POLE: variants seen among roughly 807,000 people sequenced by gnomAD.
POLE encodes DNA polymerase epsilon, catalytic subunit.
A neutral mutation model predicts 279.2 loss-of-function variants in POLE; 188 were observed. That is an observed-to-expected ratio of 0.67 (90% CI 0.60 to 0.76). POLE has a LOEUF of 0.76. POLE is among the 30% of genes least tolerant of loss of function. POLE has a pLI of 0.00. For missense variants in POLE, 2,703 were observed against 3,016.7 expected (o/e 0.90, Z 2.44); for synonymous variants, 1,214 against 1,172.5 (o/e 1.04, Z -0.72).
At chr12:132,637,553 G>A (rs2042057869) in intron 41 of POLE, among the ~76,000 whole-genome samples, 1 of 152,232 alleles carries the variant, frequency 6.6e-6, no homozygotes, top group South Asian at 2.1e-4. Flanking sequence ...TGGCCTGGAA[G>A]GCAGGAAGTC....
intron 1 of POLE, among the ~76,000 whole-genome samples, chr12:132,686,230 C>T (rs1260765880): frequency 6.6e-6 from 1 of 151,872 alleles, no homozygotes; most frequent in Non-Finnish European, 1.5e-5. Context: ...TTACCGTTTG[C>T]TCTGGCCACC....
At chr12:132,629,601 TCTCAGCC>T (rs759835669) in intron 45 of POLE, among the ~76,000 whole-genome samples, 1 of 152,184 alleles carries the variant, frequency 6.6e-6, no homozygotes, top group Non-Finnish European at 1.5e-5. Context: ...CCTCCTCAGC[TCTCAGCC>T]TTCATGGAAC....
At position 132,659,171 on chromosome 12, in the gene POLE, C is replaced by T. The variant is rs550890943; in HGVS notation, c.3275+124G>A. 38 of 987,788 alleles carry T rather than the reference C, an allele frequency of 3.8e-5. No individual in the cohort carries two copies. The Admixed American group carries it at 3.9e-4, about 10-fold the overall frequency. 61.2% of individuals were successfully genotyped at this position (987,788 alleles called of 1,614,324 possible). On this transcript the variant is annotated intron_variant, in intron 26 of 48. Transcript: ENST00000320574. The stretch of plus-strand genomic sequence containing the variant: ...ATCTGTAAGGAACCCCTTACCTCTC[C>T]GTGACAGGGCAGCCCTCACCTCTCT...
chr12:132,640,987 G>A (rs1219037442), intron 39 of POLE: 5 of 456,670 alleles, frequency 1.1e-5, no homozygotes, highest in East Asian at 7.0e-5. Flanking sequence ...ACAGGCTCTG[G>A]AATTACAAAG....
In POLE at chr12:132,639,225, C is replaced by T. The variant is rs140174561; in HGVS notation, c.5452G>A (p.Val1818Met). Residue 1818 changes from valine to methionine, a missense_variant, in exon 40 of 49, where the codon GTG becomes ATG. By Grantham distance (21) the Val-to-Met change is conservative. Transcript: ENST00000320574. The surrounding 1 kb of genome is among the most constrained non-coding windows in gnomAD (Gnocchi z 4.7). Reference protein sequence around the residue: ...QYHNIYADNQVMHFYRWLRSP... With the variant: ...QYHNIYADNQMMHFYRWLRSP... ...CGAAGCCAGCGGTAGAAGTGCATCA[C>T]CTGGTTGTCTGCATAGATGTTGTGG... 6.2e-7 allele frequency: 1 copy of T among 1,614,104 alleles called. No homozygotes were observed. The highest frequency in any genetic ancestry group is 8.5e-7 in the Non-Finnish European group (1 of 1,179,978).
intron 32 of POLE, among the ~76,000 whole-genome samples, chr12:132,646,346 T>A (rs933496887): frequency 5.9e-5 from 9 of 152,098 alleles, no homozygotes; most frequent in Non-Finnish European, 1.2e-4. Context: ...GACACAGGCA[T>A]AGTCATGTGT....
rs754639861 is a variant in POLE, at chr12:132,626,183, C to T, written c.6465G>A (p.Glu2155=). 2 of 1,613,330 alleles carry T rather than the reference C, an allele frequency of 1.2e-6. No homozygotes were observed. The highest frequency in any genetic ancestry group is 1.7e-5 in the Admixed American group (1 of 59,938). Reference sequence around the variant, plus strand: ...AGAAGTTACAGCTGCGGCAGATGACCTCAGGAAGCACGTAGGAGCGGCAGG... The same window carrying T: ...AGAAGTTACAGCTGCGGCAGATGACTTCAGGAAGCACGTAGGAGCGGCAGG... ...RDPCRSYVLP[E]VICRSCNFCR... The change falls in exon 46 of 49, where the codon GAG becomes GAA. Residue 2155 remains glutamate (E), a synonymous_variant. Coordinates refer to ENST00000320574, the MANE Select transcript of POLE (RefSeq NM_006231.4).
At chr12:132,631,821 C>G (rs547915577) in intron 45 of POLE, among the ~76,000 whole-genome samples, 1 of 152,128 alleles carries the variant, frequency 6.6e-6, no homozygotes, top group Non-Finnish European at 1.5e-5. Flanking sequence ...CAAGCTCACC[C>G]CCCAGGGCCT....
Position 132,636,512 on chromosome 12 carries a change from T to C in POLE, c.5679-488A>G, listed in dbSNP as rs2042038294. 2.7e-5 allele frequency among the ~76,000 whole-genome samples: 4 copies of C among 149,838 alleles called. No homozygotes were observed. The South Asian group carries it at 8.4e-4, about 32-fold the overall frequency. ...GGCTCACGCCTGTAATCCTAGCACT[T>C]TGGGAGGCTGAGGCAGGAGGATCGC... is the stretch of plus-strand genomic sequence containing the variant. On this transcript the variant is annotated intron_variant, in intron 41 of 48. Coordinates refer to ENST00000320574, the MANE Select transcript of POLE (RefSeq NM_006231.4).
chr12:132,667,127 A>C (rs913966007), intron 20 of POLE, among the ~76,000 whole-genome samples: 4 of 152,180 alleles, frequency 2.6e-5, no homozygotes, highest in African/African-American at 9.7e-5. Flanking sequence ...ACCATAGATG[A>C]GAAGGCCTTA....
intron 12 of POLE, among the ~76,000 whole-genome samples, 181 bp from the exon 13 acceptor site, chr12:132,673,888 T>G (rs553542283): frequency 6.6e-6 from 1 of 152,268 alleles, no homozygotes; most frequent in East Asian, 1.9e-4. Context: ...CAGGATCTAG[T>G]TAATCTCACA....
At chr12:132,631,863 A>C (rs529210763) in intron 45 of POLE, among the ~76,000 whole-genome samples, 9 of 152,112 alleles carry the variant, frequency 5.9e-5, no homozygotes, top group African/African-American at 1.9e-4. Flanking sequence ...ACCTGGTCCC[A>C]GCGCCCCTCA....
chr12:132,680,593 A>C lies in POLE; in HGVS notation c.285+14T>G. 1 of 1,606,802 alleles carries C rather than the reference A, an allele frequency of 6.2e-7. No homozygotes were observed. Among genetic ancestry groups the C allele is most frequent in the Non-Finnish European group, 8.5e-7 (1 of 1,173,362 alleles). ...ATAAAAGTGGGTTTTAGCTTGTCGC[A>C]GTCAGGGGCTTACCTTAAATCTGCT... On this transcript the variant is annotated intron_variant, in intron 3 of 48. Transcript: ENST00000320574.
intron 14 of POLE, 46 bp from the exon 15 acceptor site, chr12:132,672,885 C>T (rs373874296): frequency 2.5e-5 from 38 of 1,547,206 alleles, no homozygotes; most frequent in Middle Eastern, 1.7e-4. Flanking sequence ...CACCAAAGGC[C>T]CTGACTTGCA....
chr12:132,630,812 TA>T (rs1219038484), intron 45 of POLE, among the ~76,000 whole-genome samples: 28 of 152,266 alleles, frequency 1.8e-4, no homozygotes, highest in Middle Eastern at 3.4e-3. Flanking sequence ...AGCTGCAATT[TA>T]AAAACCCAAT....
In POLE at chr12:132,686,161, G is replaced by A. The variant is rs187222894; in HGVS notation, c.62+1093C>T. Among the ~76,000 whole-genome samples, 160 of 152,212 alleles carry A rather than the reference G, an allele frequency of 1.1e-3. 2 individuals carry two copies. The highest frequency in any genetic ancestry group is 3.7e-3 in the African/African-American group (154 of 41,536). ...CAAAGTGCTGGGATTACAGGTGTGA[G>A]CCACCGCGCCGGGCCTCATCCGTTT... On this transcript the variant is annotated intron_variant, in intron 1 of 48. Coordinates refer to ENST00000320574, the MANE Select transcript of POLE (RefSeq NM_006231.4).
chr12:132,661,791 C>T lies in POLE; in HGVS notation c.2707-107G>A. 8.9e-7 allele frequency: 1 copy of T among 1,119,932 alleles called. No homozygotes were observed. Among genetic ancestry groups the T allele is most frequent in the Admixed American group, 2.3e-5 (1 of 44,382 alleles). 69.4% of individuals were successfully genotyped at this position (1,119,932 alleles called of 1,614,324 possible). A position where few individuals can be genotyped will look rare whatever the true frequency, so the allele number is the denominator to read the frequency against. ...GATGGATTGACAAACCGAGGCTTTT[C>T]CACATAACTAACACGACTTGGCAGC... On this transcript the variant is annotated intron_variant, in intron 23 of 48. Coordinates refer to ENST00000320574, the MANE Select transcript of POLE (RefSeq NM_006231.4). The surrounding 1 kb of genome is among the most constrained non-coding windows in gnomAD (Gnocchi z 4.1).
At chr12:132,674,941 T>C (rs2043011464) in intron 12 of POLE, among the ~76,000 whole-genome samples, 1 of 149,440 alleles carries the variant, frequency 6.7e-6, no homozygotes, top group Non-Finnish European at 1.5e-5. Flanking sequence ...CACATCCACC[T>C]GTCTTCCCAA....
chr12:132,633,138 C>T (rs5745016), intron 43 of POLE: 111,017 of 175,294 alleles, frequency 0.63, 37,183 homozygotes, highest in East Asian at 0.79. Context: ...AAAACTACTC[C>T]GGGCCTGTCA....
Sources: allele counts gnomAD v4.1 joint callset (sites outside exome capture counted in the v4.1 genomes callset), GRCh38; gene constraint gnomAD v4.1.1; non-coding constraint Gnocchi (gnomAD v3.1); transcripts MANE v1.5; gene names NCBI Gene and HGNC (gene_info 2026-07-23, HGNC 2026-07-21).